The following ART1 variants were observed in gnomAD, a reference collection of about 807,000 sequenced individuals.
The protein encoded by ART1 is GPI-linked NAD(P)(+)--arginine ADP-ribosyltransferase 1.
A neutral mutation model predicts 27.0 loss-of-function variants in ART1; 29 were observed. The observed-to-expected ratio is 1.08, with a 90% CI of 0.80 to 1.47. ART1 has a LOEUF of 1.47. Ranked by LOEUF, ART1 falls within the 40% of genes most tolerant of loss-of-function variation. The pLI, the probability that ART1 is intolerant of heterozygous loss-of-function variation, is 0.00. For synonymous variants in ART1, 201 were observed against 172.2 expected (o/e 1.17, Z -1.31); for missense variants, 480 against 423.0 (o/e 1.13, Z -1.18).
chr11:3,650,991 G>A (rs1393109502), intron 1 of ART1, among the ~76,000 whole-genome samples: 4 of 152,000 alleles, frequency 2.6e-5, no homozygotes, highest in East Asian at 1.9e-4. Context: ...TTACAGCATG[G>A]CCTTTTAAAG....
chr11:3,661,967 G>T (rs556911194), intron 4 of ART1, among the ~76,000 whole-genome samples: 2 of 152,338 alleles, frequency 1.3e-5, no homozygotes, highest in East Asian at 3.9e-4. Flanking sequence ...CCTATCCCTT[G>T]CAGGAAAAGG....
In ART1 at chr11:3,660,247, TC is replaced by T. The variant is rs762428866; in HGVS notation, c.735del (p.Phe246LeufsTer6). ...SFFPGEEEVLIPPFETFQVIN... is the reference protein window; with the variant it reads ...SFFPGEEEVLXPPFETFQVIN... ...TTCCCTGGAGAGGAAGAGGTGCTGA[TC>T]CCCCCCTTTGAGACCTTCCAAGTGA... On this transcript the variant is annotated frameshift_variant, in exon 3 of 5. Transcript: ENST00000250693. LOFTEE classifies it high-confidence loss of function. 8.7e-6 allele frequency: 14 copies of T among 1,613,132 alleles called. No homozygotes were observed. Among genetic ancestry groups the T allele is most frequent in the Admixed American group, 6.7e-5 (4 of 59,952 alleles).
At chr11:3,652,846 G>C (rs887242869) in intron 1 of ART1, among the ~76,000 whole-genome samples, 5 of 150,792 alleles carry the variant, frequency 3.3e-5, no homozygotes, top group African/African-American at 9.9e-5. Context: ...AATAATCTTT[G>C]CTGGCAGGAC....
chr11:3,659,153 A>G lies in ART1; in HGVS notation c.-52-9A>G. 6.5e-7 allele frequency: 1 copy of G among 1,537,326 alleles called. No individual in the cohort carries two copies. Among genetic ancestry groups the G allele is most frequent in the Non-Finnish European group, 9.0e-7 (1 of 1,112,164 alleles). On this transcript the variant is annotated splice_polypyrimidine_tract_variant and intron_variant, in intron 1 of 4. Transcript: ENST00000250693. ...TTAAACTATACAGATTAACACTGCA[A>G]TTTTCCAGATGAGGAAACTGAGACC...
At chr11:3,653,279 A>G (rs7482562) in intron 1 of ART1, among the ~76,000 whole-genome samples, 109,040 of 147,020 alleles carry the variant, frequency 0.74, 41,941 homozygotes, top group Admixed American at 0.86. Context: ...TGACCTGCAC[A>G]TACACATCCA....
intron 3 of ART1, 102 bp downstream of exon 3, chr11:3,660,465 A>T (rs984035680): frequency 2.3e-6 from 3 of 1,329,750 alleles, no homozygotes; most frequent in African/African-American, 2.9e-5. Context: ...TGTCCCAGGG[A>T]TACATAAATA....
chr11:3,653,643 G>A (rs992963882), intron 1 of ART1, among the ~76,000 whole-genome samples: 1 of 152,140 alleles, frequency 6.6e-6, no homozygotes, highest in Non-Finnish European at 1.5e-5. Flanking sequence ...ATGAAAAGAG[G>A]AGCTTCGTAT....
chr11:3,659,163 T>A lies in ART1; in HGVS notation c.-51T>A. 1 of 1,571,632 alleles carries A rather than the reference T, an allele frequency of 6.4e-7. No individual in the cohort carries two copies. Among genetic ancestry groups the A allele is most frequent in the African/African-American group, 1.3e-5 (1 of 74,238 alleles). On this transcript the variant is annotated splice_region_variant and 5_prime_UTR_variant, in exon 2 of 5. The change abolishes an upstream ATG in the 5' untranslated region. Transcript: ENST00000250693. ...CAGATTAACACTGCAATTTTCCAGATGAGGAAACTGAGACCCAAAAAGAGA... is the reference window on the plus strand; with the variant it reads ...CAGATTAACACTGCAATTTTCCAGAAGAGGAAACTGAGACCCAAAAAGAGA...
intron 1 of ART1, 22 bp from the exon 2 acceptor site, chr11:3,659,140 G>A: frequency 7.1e-7 from 1 of 1,412,358 alleles, no homozygotes; most frequent in Middle Eastern, 1.8e-4. Context: ...AAACTATACA[G>A]ATTAACACTG....
chr11:3,650,578 T>G (rs11599988), intron 1 of ART1, among the ~76,000 whole-genome samples: 84,109 of 151,990 alleles, frequency 0.55, 25,156 homozygotes, highest in Admixed American at 0.75. Context: ...CCATAACTGT[T>G]GTGGGTATTG....
chr11:3,647,464 C>T (rs1366731179), intron 1 of ART1, among the ~76,000 whole-genome samples: 1 of 151,952 alleles, frequency 6.6e-6, no homozygotes, highest in Non-Finnish European at 1.5e-5. Context: ...GGCAAAACCC[C>T]TTCTCAACTA....
intron 1 of ART1, among the ~76,000 whole-genome samples, chr11:3,657,119 G>A (rs536052201): frequency 4.6e-5 from 7 of 152,316 alleles, no homozygotes; most frequent in South Asian, 4.1e-4. Flanking sequence ...ATAAAGCAGC[G>A]ACGCTTAACC....
At position 3,651,452 on chromosome 11, in the gene ART1, C is replaced by CAAA. The variant is rs2077521228; in HGVS notation, c.-53+6275_-53+6276insAAA. ...TCCCAAACCTCAATCCCTTCCAAAA[C>CAAA]AACTCCTTTCCTTCCTAGTCATGGT... On this transcript the variant is annotated intron_variant, in intron 1 of 4. Transcript: ENST00000250693. 1.4e-5 allele frequency among the ~76,000 whole-genome samples: 2 copies of CAAA among 137,932 alleles called. 1 individual carries two copies. Among genetic ancestry groups the CAAA allele is most frequent in the African/African-American group, 6.1e-5 (2 of 32,982 alleles). The allele number at this position is 137,932 out of a possible 152,430, so 90.5% of individuals were successfully genotyped here. A position where few individuals can be genotyped will look rare whatever the true frequency, so the allele number is the denominator to read the frequency against.
Position 3,661,833 on chromosome 11 carries a change from T to C in ART1, c.886+420T>C, listed in dbSNP as rs577352193. ...TTTTATAAGGAAACAACTGCATTAA[T>C]AATAAAAAAAAGTGCACTAGCTGAA... On this transcript the variant is annotated intron_variant, in intron 4 of 4. Coordinates refer to ENST00000250693, the MANE Select transcript of ART1 (RefSeq NM_004314.3). Among the ~76,000 whole-genome samples, 9 of 152,128 alleles carry C rather than the reference T, an allele frequency of 5.9e-5. 1 individual carries two copies. In the South Asian group the frequency reaches 1.5e-3, roughly 25 times the overall value.
chr11:3,654,827 A>G (rs1308733361), intron 1 of ART1, among the ~76,000 whole-genome samples: 1 of 152,152 alleles, frequency 6.6e-6, no homozygotes, highest in South Asian at 2.1e-4. Context: ...CCATTCTCTT[A>G]CTCAGGTCCA....
chr11:3,658,307 T>G (rs1248094182), intron 1 of ART1, among the ~76,000 whole-genome samples: 12 of 141,140 alleles, frequency 8.5e-5, no homozygotes, highest in Non-Finnish European at 3.0e-5. Flanking sequence ...CACTCCAGCC[T>G]GGGCAACAGA....
rs1456072069 is a variant in ART1, at chr11:3,650,611, T to TA, written c.-53+5436dup. Among the ~76,000 whole-genome samples the TA allele has an allele frequency of 3.3e-5, 5 of 152,170 alleles. No individual in the cohort carries two copies. In the South Asian group the frequency reaches 1.0e-3, roughly 31 times the overall value. ...TTGACAGCCAGGCTTCTAAGCCTCT[T>TA]AAAACTCCCCAACTCTAGTGCCAAC... On this transcript the variant is annotated intron_variant, in intron 1 of 4. Coordinates refer to ENST00000250693, the MANE Select transcript of ART1 (RefSeq NM_004314.3).
chr11:3,655,981 A>G (rs1280638639), intron 1 of ART1, among the ~76,000 whole-genome samples: 1 of 136,410 alleles, frequency 7.3e-6, no homozygotes, highest in Non-Finnish European at 1.5e-5. Context: ...CGCCCAGGCT[A>G]GAGAGCAATG....
At chr11:3,650,915 G>A (rs1424084336) in intron 1 of ART1, among the ~76,000 whole-genome samples, 3 of 144,552 alleles carry the variant, frequency 2.1e-5, no homozygotes, top group African/African-American at 5.0e-5. Flanking sequence ...CTCTTACCCC[G>A]CTCAATGCCA....
Sources: allele counts gnomAD v4.1 joint callset (sites outside exome capture counted in the v4.1 genomes callset), GRCh38; gene constraint gnomAD v4.1.1; transcripts MANE v1.5; gene names NCBI Gene and HGNC (gene_info 2026-07-23, HGNC 2026-07-21).